PLD1: variants seen among roughly 807,000 people sequenced by gnomAD.
PLD1 encodes choline phosphatase 1.
A neutral mutation model predicts 137.1 loss-of-function variants in PLD1; 112 were observed. The ratio of observed to expected loss-of-function variants is 0.82; its 90% CI spans 0.70 to 0.96. The LOEUF (loss-of-function observed/expected upper bound fraction) is 0.96, where lower values mean the gene tolerates loss of function less well. Ranked by LOEUF, PLD1 falls within the 40% of genes least tolerant of loss-of-function variation. The probability of loss-of-function intolerance (pLI) is 0.00; values close to 1 mark genes in which losing one functional copy is unlikely to be tolerated. For missense variants in PLD1, 1,321 were observed against 1,342.0 expected (o/e 0.98, Z 0.24); for synonymous variants, 431 against 454.7 (o/e 0.95, Z 0.66).
chr3:171,711,557 C>T (rs947489193), intron 9 of PLD1, among the ~76,000 whole-genome samples: 2 of 152,028 alleles, frequency 1.3e-5, no homozygotes, highest in Admixed American at 1.3e-4. Flanking sequence ...TCATCGATTC[C>T]TATTAACAAA....
intron 1 of PLD1, among the ~76,000 whole-genome samples, chr3:171,764,904 G>GA (rs1411579957): frequency 2.6e-4 from 7 of 27,338 alleles, no homozygotes; most frequent in Admixed American, 4.3e-4. Context: ...AGGAAGGAAG[G>GA]AAGGAAGGAA....
Position 171,612,981 on chromosome 3 carries a change from A to T in PLD1, c.2729-549T>A, listed in dbSNP as rs901619854. Reference sequence around the variant, plus strand: ...CCAGGAGTTTGAGACCAGCCTGGACAACATAGCGAGACCTGGTCTCTACAA... The same window carrying T: ...CCAGGAGTTTGAGACCAGCCTGGACTACATAGCGAGACCTGGTCTCTACAA... On this transcript the variant is annotated intron_variant, in intron 24 of 26. Transcript: ENST00000351298. The surrounding 1 kb of genome is among the most constrained non-coding windows in gnomAD (Gnocchi z 4.1). Among the ~76,000 whole-genome samples, 15 of 152,166 alleles carry T rather than the reference A, an allele frequency of 9.9e-5. No individual in the cohort carries two copies. The highest frequency in any genetic ancestry group is 2.2e-4 in the Non-Finnish European group (15 of 68,014).
chr3:171,777,760 G>T (rs374235733), intron 1 of PLD1, among the ~76,000 whole-genome samples: 14 of 152,210 alleles, frequency 9.2e-5, no homozygotes, highest in African/African-American at 3.4e-4. Flanking sequence ...CCAAACCCAT[G>T]TCCTCTACAA....
chr3:171,671,443 C>T (rs11712503), intron 19 of PLD1, among the ~76,000 whole-genome samples: 26,368 of 152,098 alleles, frequency 0.17, 2,438 homozygotes, highest in South Asian at 0.24. Flanking sequence ...CGTGATGTCC[C>T]TTTGTCTCTT....
In PLD1 at chr3:171,747,022, C is replaced by A. The variant is rs138863846; in HGVS notation, c.-31-8940G>T. ...TTCTCAGGCCAGCAAGACCACGAAC[C>A]CACCCGGAGAAATGAACAACTCCAG... is the stretch of plus-strand genomic sequence containing the variant. On this transcript the variant is annotated intron_variant, in intron 1 of 26. Coordinates refer to ENST00000351298, the MANE Select transcript of PLD1 (RefSeq NM_002662.5). 1.4e-3 allele frequency among the ~76,000 whole-genome samples: 207 copies of A among 152,294 alleles called. 4 individuals are homozygous for A. Among genetic ancestry groups the A allele is most frequent in the African/African-American group, 4.8e-3 (199 of 41,544 alleles).
intron 18 of PLD1, 46 bp from the exon 19 acceptor site, chr3:171,674,659 T>A (rs1713149257): frequency 2.8e-6 from 3 of 1,070,250 alleles, no homozygotes; most frequent in Non-Finnish European, 4.3e-6. Flanking sequence ...GAAAAAAGAT[T>A]CATTCTCCCT....
chr3:171,753,539 G>A (rs994168361), intron 1 of PLD1, among the ~76,000 whole-genome samples: 1 of 152,202 alleles, frequency 6.6e-6, no homozygotes, highest in African/African-American at 2.4e-5. Context: ...TAGGCACTGA[G>A]AATATAAAAT....
intron 1 of PLD1, among the ~76,000 whole-genome samples, chr3:171,764,874 A>AGAGAAAGAAAGGAAAGAAAGAAAG (rs1721746964): frequency 4.2e-5 from 1 of 23,768 alleles, no homozygotes. Flanking sequence ...AAAGAAAGAA[A>AGAGAAAGAAAGGAAAGAAAGAAAG]GAAAGAAAGA....
At position 171,735,533 on chromosome 3, in the gene PLD1, G is replaced by A. The variant is rs1413113866; in HGVS notation, c.393C>T (p.Leu131=). Residue 131 remains leucine (L), a synonymous_variant, in exon 4 of 27, where the codon CTC becomes CTT. Coordinates refer to ENST00000351298, the MANE Select transcript of PLD1 (RefSeq NM_002662.5). ...KHFQEFHREL[L]KYKAFIRIPI... is the part of the protein sequence containing the mutation. ...GGATGCGGATAAAGGCTTTGTACTT[G>A]AGCAGCTCTCTGTGAAATTCTTGAA... 3.1e-6 allele frequency: 5 copies of A among 1,613,348 alleles called. No individual in the cohort carries two copies. The highest frequency in any genetic ancestry group is 2.2e-5 in the South Asian group (2 of 91,058).
chr3:171,698,864 T>C (rs1715992304), intron 12 of PLD1, among the ~76,000 whole-genome samples: 1 of 147,328 alleles, frequency 6.8e-6, no homozygotes, highest in Admixed American at 6.8e-5. Context: ...TAATCCCAGC[T>C]ATTTGGGAGG....
chr3:171,704,455 C>A (rs1578318092), intron 11 of PLD1, among the ~76,000 whole-genome samples: 8 of 81,520 alleles, frequency 9.8e-5, no homozygotes, highest in African/African-American at 1.7e-4. Flanking sequence ...CACAAAGAAC[C>A]AGGAAAAAAA....
chr3:171,757,153 G>A (rs959967740), intron 1 of PLD1, among the ~76,000 whole-genome samples: 11 of 152,168 alleles, frequency 7.2e-5, no homozygotes, highest in African/African-American at 1.7e-4. Flanking sequence ...GCAATCTACC[G>A]ACGTCTACAT....
intron 24 of PLD1, among the ~76,000 whole-genome samples, chr3:171,620,029 A>G (rs893564891): frequency 1.6e-4 from 24 of 152,250 alleles, no homozygotes; most frequent in Non-Finnish European, 3.1e-4. Flanking sequence ...AGTCCATTTA[A>G]TTGCTCTGTA....
chr3:171,769,710 G>A (rs1722209571), intron 1 of PLD1, among the ~76,000 whole-genome samples: 1 of 152,186 alleles, frequency 6.6e-6, no homozygotes, highest in Non-Finnish European at 1.5e-5. Context: ...GATGGGGAAA[G>A]GGATCCTTAA....
chr3:171,610,558 T>C (rs896083724), intron 25 of PLD1, among the ~76,000 whole-genome samples: 1 of 152,236 alleles, frequency 6.6e-6, no homozygotes. Flanking sequence ...CTACCTTCTA[T>C]AATTATTACA....
intron 1 of PLD1, among the ~76,000 whole-genome samples, chr3:171,743,064 T>C (rs914953620): frequency 2.0e-5 from 3 of 152,172 alleles, no homozygotes; most frequent in Non-Finnish European, 2.9e-5. Context: ...TGTTCTATCC[T>C]TACTATGAGT....
At chr3:171,777,337 C>T (rs572704866) in intron 1 of PLD1, among the ~76,000 whole-genome samples, 1 of 152,302 alleles carries the variant, frequency 6.6e-6, no homozygotes, top group South Asian at 2.1e-4. Context: ...TCTCAGGACA[C>T]AGCACACCCA....
chr3:171,691,598 C>T (rs1011731333), intron 13 of PLD1, among the ~76,000 whole-genome samples: 1 of 152,168 alleles, frequency 6.6e-6, no homozygotes, highest in Non-Finnish European at 1.5e-5. Context: ...AACAGCTCTT[C>T]CCTCACAGTT....
intron 21 of PLD1, among the ~76,000 whole-genome samples, chr3:171,648,455 T>C (rs2108393193): frequency 6.6e-6 from 1 of 152,338 alleles, no homozygotes; most frequent in South Asian, 2.1e-4. Context: ...ATGTATTTTT[T>C]CCTTCTACAC....
Sources: allele counts gnomAD v4.1 joint callset (sites outside exome capture counted in the v4.1 genomes callset), GRCh38; gene constraint gnomAD v4.1.1; non-coding constraint Gnocchi (gnomAD v3.1); transcripts MANE v1.5; gene names NCBI Gene and HGNC (gene_info 2026-07-23, HGNC 2026-07-21).